Variants in TRIP4 observed in about 807,000 individuals in gnomAD.
TRIP4 encodes thyroid hormone receptor interactor 4.
TRIP4 carries 54 observed loss-of-function variants against 81.8 expected under a neutral mutation model. That is an observed-to-expected ratio of 0.66 (90% CI 0.53 to 0.83). The LOEUF is 0.83. Ranked by LOEUF, TRIP4 falls within the 40% of genes least tolerant of loss-of-function variation. The pLI is 0.00. For synonymous variants in TRIP4, 270 were observed against 242.8 expected (o/e 1.11, Z -1.04); for missense variants, 662 against 683.6 (o/e 0.97, Z 0.35).
At position 64,406,381 on chromosome 15, in the gene TRIP4, A is replaced by C; in HGVS notation, c.749A>C (p.His250Pro). ...ATCTCTACCAAGGACCTTCTTCCTCATCAAGAATTGCGAATTAAGTCTGGT... is the reference window on the plus strand; with the variant it reads ...ATCTCTACCAAGGACCTTCTTCCTCCTCAAGAATTGCGAATTAAGTCTGGT... ...VDISTKDLLP[H>P]QELRIKSGLE... The change falls in exon 6 of 13, where the codon CAT becomes CCT. Residue 250 changes from histidine to proline, a missense_variant. Physicochemically the swap from His to Pro is moderately conservative, Grantham distance 77. Coordinates refer to ENST00000261884, the MANE Select transcript of TRIP4 (RefSeq NM_016213.5). 6.2e-7 allele frequency: 1 copy of C among 1,614,196 alleles called. No homozygotes were observed. The highest frequency in any genetic ancestry group is 8.5e-7 in the Non-Finnish European group (1 of 1,180,034).
At chr15:64,397,975 G>A (rs192345760) in intron 4 of TRIP4, among the ~76,000 whole-genome samples, 157 bp downstream of exon 4, 32 of 151,776 alleles carry the variant, frequency 2.1e-4, no homozygotes, top group African/African-American at 7.5e-4. Context: ...ATCTCGGCTC[G>A]CTGCAGGCTC....
intron 11 of TRIP4, among the ~76,000 whole-genome samples, chr15:64,437,518 A>G: frequency 6.6e-6 from 1 of 150,540 alleles, no homozygotes; most frequent in Non-Finnish European, 1.5e-5. Context: ...TTTGAGACAG[A>G]GTCTCACTCT....
chr15:64,424,341 G>A (rs1303933487), intron 10 of TRIP4, 186 bp downstream of exon 10: 4 of 705,692 alleles, frequency 5.7e-6, no homozygotes, highest in Non-Finnish European at 8.5e-6. Flanking sequence ...TCAAAACAGT[G>A]CAAATAAAAA....
chr15:64,454,976 A>C (rs758018894), intron 12 of TRIP4, 21 bp from the exon 13 acceptor site: 1 of 1,610,548 alleles, frequency 6.2e-7, no homozygotes, highest in Admixed American at 1.7e-5. Flanking sequence ...AAATAATGAG[A>C]CTTATTTTTC....
At chr15:64,447,638 C>G (rs544568110) in intron 12 of TRIP4, among the ~76,000 whole-genome samples, 1 of 152,306 alleles carries the variant, frequency 6.6e-6, no homozygotes, top group East Asian at 1.9e-4. Context: ...TTAACTGACA[C>G]AAATTATTTA....
intron 1 of TRIP4, among the ~76,000 whole-genome samples, chr15:64,388,466 C>A (rs1900018557): frequency 6.6e-6 from 1 of 152,000 alleles, no homozygotes. Flanking sequence ...ACCACCACAC[C>A]CGGCTAATTT....
chr15:64,412,137 G>C (rs1232289911), intron 7 of TRIP4, among the ~76,000 whole-genome samples: 1 of 151,996 alleles, frequency 6.6e-6, no homozygotes, highest in African/African-American at 2.4e-5. Flanking sequence ...TGCTTTAGTT[G>C]TATGTTAGTA....
intron 11 of TRIP4, among the ~76,000 whole-genome samples, chr15:64,438,369 G>A (rs1566983893): frequency 6.6e-6 from 1 of 152,128 alleles, no homozygotes. Context: ...GCCTAGGCTG[G>A]AGTGCAATGG....
At chr15:64,437,615 C>T (rs1892431219) in intron 11 of TRIP4, among the ~76,000 whole-genome samples, 1 of 151,722 alleles carries the variant, frequency 6.6e-6, no homozygotes, top group Admixed American at 6.6e-5. Context: ...GCCTCAGCCT[C>T]CTGAGTAGCT....
chr15:64,389,745 C>T (rs1412584862), intron 1 of TRIP4, among the ~76,000 whole-genome samples: 1 of 140,782 alleles, frequency 7.1e-6, no homozygotes, highest in African/African-American at 2.7e-5. Flanking sequence ...GATTCTGTTG[C>T]CCAGGCTGGA....
intron 2 of TRIP4, 110 bp downstream of exon 2, chr15:64,394,225 T>TA: frequency 1.0e-6 from 1 of 971,972 alleles, no homozygotes; most frequent in Middle Eastern, 3.5e-4. Flanking sequence ...ACAGCTAACT[T>TA]AAACAGAGTC....
intron 11 of TRIP4, among the ~76,000 whole-genome samples, chr15:64,437,821 A>G (rs28572317): frequency 0.047 from 7,112 of 152,138 alleles, 548 homozygotes; most frequent in African/African-American, 0.16. Flanking sequence ...TTGTCCTGGC[A>G]GCTGTAGGAA....
In TRIP4 at chr15:64,455,030, AGAAGGGGTTAAT is replaced by A; in HGVS notation, c.1717_1728del (p.Gly573_Lys576del). The A allele has an allele frequency of 1.2e-6, 2 of 1,614,106 alleles. No individual in the cohort carries two copies. Among genetic ancestry groups the A allele is most frequent in the African/African-American group, 2.7e-5 (2 of 75,066 alleles). Reference sequence around the variant, plus strand: ...GATTCCAAGATCCATCAAGGAGCAAAGAAGGGGTTAATGAAGCAGAATAAAGCTGTCTGACCC... The same window carrying A: ...GATTCCAAGATCCATCAAGGAGCAAAGAAGCAGAATAAAGCTGTCTGACCC... On this transcript the variant is annotated inframe_deletion, in exon 13 of 13. Coordinates refer to ENST00000261884, the MANE Select transcript of TRIP4 (RefSeq NM_016213.5).
Position 64,455,234 on chromosome 15 carries a change from T to C in TRIP4, c.*170T>C. The C allele has an allele frequency of 2.0e-6, 1 of 498,496 alleles. No homozygotes were observed. The highest frequency in any genetic ancestry group is 3.1e-5 in the East Asian group (1 of 31,816). 30.9% of individuals were successfully genotyped at this position (498,496 alleles called of 1,614,324 possible). On this transcript the variant is annotated 3_prime_UTR_variant, in exon 13 of 13. Coordinates refer to ENST00000261884, the MANE Select transcript of TRIP4 (RefSeq NM_016213.5). ...TGTATATTTTTCTTAAGGAGTGGGA[T>C]TCCTACTTTATGTAATGGGGTCGAA...
chr15:64,395,900 C>G (rs1333005266), intron 3 of TRIP4, among the ~76,000 whole-genome samples: 1 of 136,076 alleles, frequency 7.3e-6, no homozygotes, highest in Non-Finnish European at 1.6e-5. Flanking sequence ...GCCACCATAC[C>G]CAGCTAATTT....
At chr15:64,409,904 C>CTTTTATTTTTGTTGATTTAAAAAATGTG in intron 7 of TRIP4, 76 bp downstream of exon 7, 1 of 1,313,612 alleles carries the variant, frequency 7.6e-7, no homozygotes, top group African/African-American at 1.5e-5. Context: ...TCTAGTGGAT[C>CTTTTATTTTTGTTGATTTAAAAAATGTG]TTTTATTTTT....
At chr15:64,408,669 GGAAAC>G (rs1891688376) in intron 6 of TRIP4, among the ~76,000 whole-genome samples, 1 of 151,974 alleles carries the variant, frequency 6.6e-6, no homozygotes, top group African/African-American at 2.4e-5. Context: ...GTAATTATGG[GGAAAC>G]GTAATCTTAA....
intron 11 of TRIP4, among the ~76,000 whole-genome samples, chr15:64,429,785 C>G (rs113133134): frequency 4.6e-5 from 7 of 152,152 alleles, no homozygotes; most frequent in Admixed American, 1.3e-4. Flanking sequence ...TGACCTGTGC[C>G]TTCCCTTCAG....
intron 1 of TRIP4, chr15:64,393,292 G>C (rs895806652): frequency 6.6e-6 from 1 of 150,924 alleles, no homozygotes; most frequent in Admixed American, 6.6e-5. Flanking sequence ...TGGGACTACA[G>C]GCGCCTGCTA....
Sources: allele counts gnomAD v4.1 joint callset (sites outside exome capture counted in the v4.1 genomes callset), GRCh38; gene constraint gnomAD v4.1.1; transcripts MANE v1.5; gene names NCBI Gene and HGNC (gene_info 2026-07-23, HGNC 2026-07-21).